KCNMB2: variants seen among roughly 807,000 people sequenced by gnomAD.
The protein encoded by KCNMB2 is calcium-activated potassium channel subunit beta-2.
KCNMB2 carries 9 observed loss-of-function variants against 24.5 expected under a neutral mutation model. The observed-to-expected ratio is 0.37, with a 90% CI of 0.22 to 0.64. The LOEUF is 0.64. Among genes scored for constraint, KCNMB2 ranks in the 30% least tolerant of loss-of-function variants. The pLI is 0.63. For missense variants in KCNMB2, 226 were observed against 284.3 expected, an observed-to-expected ratio of 0.79 and a Z score of 1.47; for synonymous variants, 109 against 104.4, an observed-to-expected ratio of 1.04 and a Z score of -0.27.
At chr3:178,734,283 A>T (rs1723247360) in intron 1 of KCNMB2, among the ~76,000 whole-genome samples, 1 of 152,202 alleles carries the variant, frequency 6.6e-6, no homozygotes, top group Non-Finnish European at 1.5e-5. Flanking sequence ...GAAGTTTTCC[A>T]CTTGTGGCAT....
chr3:178,704,875 C>T (rs1337908525), intron 1 of KCNMB2, among the ~76,000 whole-genome samples: 3 of 152,064 alleles, frequency 2.0e-5, no homozygotes, highest in South Asian at 2.1e-4. Context: ...AAGATATTTT[C>T]CAACCATCTT....
chr3:178,724,625 T>C (rs1204737789), intron 1 of KCNMB2, among the ~76,000 whole-genome samples: 1 of 152,188 alleles, frequency 6.6e-6, no homozygotes, highest in Non-Finnish European at 1.5e-5. Context: ...TCTAGGATTT[T>C]TATAGTTTAA....
intron 2 of KCNMB2, among the ~76,000 whole-genome samples, chr3:178,815,942 C>T (rs929649387): frequency 4.0e-5 from 6 of 151,564 alleles, no homozygotes; most frequent in Non-Finnish European, 7.4e-5. Context: ...TAAAATTTCA[C>T]GTTTATGTTT....
intron 1 of KCNMB2, among the ~76,000 whole-genome samples, chr3:178,665,710 A>G (rs1447345242): frequency 2.0e-5 from 3 of 152,190 alleles, no homozygotes; most frequent in Non-Finnish European, 2.9e-5. Flanking sequence ...GATGGTTGGC[A>G]ATAGAGCAGC....
intron 1 of KCNMB2, among the ~76,000 whole-genome samples, chr3:178,688,496 A>G (rs975663741): frequency 3.3e-5 from 5 of 152,196 alleles, no homozygotes; most frequent in Non-Finnish European, 5.9e-5. Context: ...TGTGCAGCAC[A>G]TAACAAATAA....
chr3:178,708,586 G>A (rs1722353412), intron 1 of KCNMB2, among the ~76,000 whole-genome samples: 1 of 152,032 alleles, frequency 6.6e-6, no homozygotes, highest in Non-Finnish European at 1.5e-5. Context: ...GCCTTAGAGT[G>A]GGACTTTACC....
At chr3:178,836,117 G>A (rs1715218276) in intron 4 of KCNMB2, among the ~76,000 whole-genome samples, 1 of 152,028 alleles carries the variant, frequency 6.6e-6, no homozygotes. Context: ...GGCTGACAGT[G>A]AGGTTATTCA....
chr3:178,810,747 T>C (rs1714152670), intron 2 of KCNMB2, among the ~76,000 whole-genome samples: 1 of 152,114 alleles, frequency 6.6e-6, no homozygotes, highest in African/African-American at 2.4e-5. Context: ...CCTTTTCATT[T>C]TTTTTGAGAT....
chr3:178,585,257 G>A (rs965215812), intron 1 of KCNMB2, among the ~76,000 whole-genome samples: 7 of 152,154 alleles, frequency 4.6e-5, no homozygotes, highest in South Asian at 2.1e-4. Flanking sequence ...GTACAAACTC[G>A]AATTTCAGTG....
At chr3:178,551,242 T>C (rs1176058227) in intron 1 of KCNMB2, among the ~76,000 whole-genome samples, 6 of 152,194 alleles carry the variant, frequency 3.9e-5, no homozygotes, top group Non-Finnish European at 8.8e-5. Context: ...GATGAACTAG[T>C]ATCTTATCCT....
At chr3:178,671,244 C>T (rs1449998368) in intron 1 of KCNMB2, among the ~76,000 whole-genome samples, 3 of 152,094 alleles carry the variant, frequency 2.0e-5, no homozygotes, top group Non-Finnish European at 2.9e-5. Flanking sequence ...TCTAGGCCCA[C>T]TGAAAGAAAA....
chr3:178,576,389 G>A (rs1053245937), intron 1 of KCNMB2, among the ~76,000 whole-genome samples: 2 of 152,084 alleles, frequency 1.3e-5, no homozygotes, highest in African/African-American at 4.8e-5. Flanking sequence ...ACCAGGGACC[G>A]GGGTTTCAAG....
chr3:178,615,657 C>G (rs1157712799), intron 1 of KCNMB2, among the ~76,000 whole-genome samples: 1 of 152,176 alleles, frequency 6.6e-6, no homozygotes, highest in Non-Finnish European at 1.5e-5. Context: ...GCCTGGGACT[C>G]ACCTGTCAGG....
chr3:178,702,430 TAATA>T (rs1303774633), intron 1 of KCNMB2, among the ~76,000 whole-genome samples: 1 of 150,214 alleles, frequency 6.7e-6, no homozygotes, highest in Admixed American at 6.6e-5. Flanking sequence ...TTAAAAAGTA[TAATA>T]AATATATATA....
intron 1 of KCNMB2, among the ~76,000 whole-genome samples, chr3:178,625,916 C>G (rs746897541): frequency 6.6e-6 from 1 of 152,168 alleles, no homozygotes; most frequent in Non-Finnish European, 1.5e-5. Context: ...AAGACTTGAT[C>G]TTGCCATAAG....
chr3:178,691,696 T>A (rs982206113), intron 1 of KCNMB2, among the ~76,000 whole-genome samples: 18 of 152,214 alleles, frequency 1.2e-4, no homozygotes, highest in African/African-American at 4.3e-4. Context: ...TCTGCTATTG[T>A]GAATAGTGCT....
chr3:178,745,733 A>T (rs911850092), intron 1 of KCNMB2, among the ~76,000 whole-genome samples: 2 of 152,222 alleles, frequency 1.3e-5, no homozygotes, highest in Non-Finnish European at 2.9e-5. Flanking sequence ...CAGCCATCCC[A>T]AATGGGAGAA....
chr3:178,624,243 AAT>A (rs1491559080), intron 1 of KCNMB2, among the ~76,000 whole-genome samples: 1 of 61,314 alleles, frequency 1.6e-5, no homozygotes, highest in African/African-American at 1.2e-4. Context: ...GTTACTGGGT[AAT>A]TTTTTTTTTT....
At chr3:178,618,523 CACTT>C (rs1718796756) in intron 1 of KCNMB2, among the ~76,000 whole-genome samples, 1 of 152,170 alleles carries the variant, frequency 6.6e-6, no homozygotes, top group South Asian at 2.1e-4. Context: ...GGAGTTCTGA[CACTT>C]TCTTTCACTC....
Sources: gnomAD v4.1 joint callset for allele counts (sites outside exome capture counted in the v4.1 genomes callset) on GRCh38, gnomAD v4.1.1 for gene constraint, MANE v1.5 for transcripts, NCBI Gene and HGNC (gene_info 2026-07-23, HGNC 2026-07-21) for gene names.